The following TDRD3 variants were observed in gnomAD, a reference collection of about 807,000 sequenced individuals.
The protein encoded by TDRD3 is tudor domain containing 3.
TDRD3 carries 45 observed loss-of-function variants against 86.7 expected under a neutral mutation model. The observed-to-expected ratio is 0.52, with a 90% CI of 0.41 to 0.67. The LOEUF (loss-of-function observed/expected upper bound fraction) is 0.67. Among genes scored for constraint, TDRD3 ranks in the 30% least tolerant of loss-of-function variants. The pLI, the probability that TDRD3 is intolerant of heterozygous loss-of-function variation, is 0.00. For missense variants in TDRD3, 814 were observed against 889.0 expected (o/e 0.92, Z 1.07); for synonymous variants, 298 against 301.7 (o/e 0.99, Z 0.13).
chr13:60,490,158 G>A (rs1179199359), intron 7 of TDRD3, among the ~76,000 whole-genome samples: 2 of 148,948 alleles, frequency 1.3e-5, no homozygotes, highest in African/African-American at 5.0e-5. Flanking sequence ...ACTTGTGCAA[G>A]GTTATCCAGT....
chr13:60,486,641 T>A (rs1956443354), intron 7 of TDRD3, among the ~76,000 whole-genome samples: 2 of 152,182 alleles, frequency 1.3e-5, no homozygotes, highest in African/African-American at 4.8e-5. Context: ...CATCTAGCTA[T>A]TTTGAAATAT....
intron 13 of TDRD3, among the ~76,000 whole-genome samples, chr13:60,572,941 C>T (rs768013296): frequency 5.3e-5 from 8 of 152,112 alleles, no homozygotes; most frequent in Non-Finnish European, 1.2e-4. Context: ...GTACCCGACG[C>T]TCTGTATTTT....
At chr13:60,430,041 C>T (rs370134719) in intron 1 of TDRD3, among the ~76,000 whole-genome samples, 53 of 152,188 alleles carry the variant, frequency 3.5e-4, no homozygotes, top group African/African-American at 1.2e-3. Flanking sequence ...ATTTTCAGTA[C>T]GGTCTTTTTC....
intron 7 of TDRD3, among the ~76,000 whole-genome samples, 169 bp downstream of exon 7, chr13:60,486,117 A>G (rs1956430392): frequency 6.6e-6 from 1 of 152,142 alleles, no homozygotes; most frequent in South Asian, 2.1e-4. Flanking sequence ...ATGGGATCTT[A>G]CATATTTTAT....
chr13:60,562,536 A>G (rs1958359168), intron 12 of TDRD3, among the ~76,000 whole-genome samples: 1 of 152,188 alleles, frequency 6.6e-6, no homozygotes, highest in African/African-American at 2.4e-5. Flanking sequence ...ACACTTCCAT[A>G]CATACAAGCT....
At chr13:60,416,044 C>A (rs1360432107) in intron 1 of TDRD3, among the ~76,000 whole-genome samples, 2 of 152,090 alleles carry the variant, frequency 1.3e-5, no homozygotes, top group East Asian at 1.9e-4. Flanking sequence ...TTTTAAAATA[C>A]CCTTTGCTTA....
intron 1 of TDRD3, among the ~76,000 whole-genome samples, chr13:60,400,297 G>A (rs1271182837): frequency 1.3e-5 from 2 of 152,192 alleles, no homozygotes; most frequent in Admixed American, 1.3e-4. Context: ...ATCACTGTGA[G>A]TGGAAATATA....
At chr13:60,418,367 C>G (rs534515262) in intron 1 of TDRD3, among the ~76,000 whole-genome samples, 1 of 152,160 alleles carries the variant, frequency 6.6e-6, no homozygotes, top group East Asian at 1.9e-4. Flanking sequence ...TACCCTTCTT[C>G]TGAGGTCCTT....
chr13:60,496,834 G>A (rs1275687662), intron 8 of TDRD3, among the ~76,000 whole-genome samples: 2 of 152,102 alleles, frequency 1.3e-5, no homozygotes, highest in African/African-American at 4.8e-5. Context: ...CTTGTTCTTA[G>A]AGCTCCCAAG....
At chr13:60,467,605 T>G (rs1196485834) in intron 5 of TDRD3, among the ~76,000 whole-genome samples, 2 of 152,234 alleles carry the variant, frequency 1.3e-5, no homozygotes, top group Non-Finnish European at 2.9e-5. Flanking sequence ...AAACATTCTT[T>G]CCTGACAAGT....
At chr13:60,412,560 A>G (rs1954391901) in intron 1 of TDRD3, among the ~76,000 whole-genome samples, 1 of 152,168 alleles carries the variant, frequency 6.6e-6, no homozygotes, top group African/African-American at 2.4e-5. Context: ...AACTAGTATG[A>G]CACATCAAGA....
At chr13:60,408,049 C>T (rs1000628802) in intron 1 of TDRD3, among the ~76,000 whole-genome samples, 4 of 152,268 alleles carry the variant, frequency 2.6e-5, no homozygotes, top group Admixed American at 6.5e-5. Flanking sequence ...GTGCCTTTCA[C>T]GTCCCGCCAT....
intron 1 of TDRD3, among the ~76,000 whole-genome samples, chr13:60,428,365 A>G (rs1376144845): frequency 1.3e-5 from 2 of 151,992 alleles, no homozygotes; most frequent in East Asian, 1.9e-4. Flanking sequence ...CATTCAGGCT[A>G]CTATGAAGAG....
At chr13:60,553,640 A>C (rs1958118109) in intron 12 of TDRD3, among the ~76,000 whole-genome samples, 1 of 152,104 alleles carries the variant, frequency 6.6e-6, no homozygotes. Context: ...CAGAAAGCAA[A>C]GGAGAAGCTA....
At chr13:60,423,327 C>T (rs961236382) in intron 1 of TDRD3, among the ~76,000 whole-genome samples, 32 of 152,068 alleles carry the variant, frequency 2.1e-4, no homozygotes, top group Admixed American at 2.1e-3. Context: ...AGAAACATAC[C>T]AGTAACAGGA....
At chr13:60,418,802 T>C (rs1348471174) in intron 1 of TDRD3, among the ~76,000 whole-genome samples, 1 of 152,186 alleles carries the variant, frequency 6.6e-6, no homozygotes, top group Non-Finnish European at 1.5e-5. Context: ...TATCTTGTAA[T>C]TGGATATTAT....
intron 2 of TDRD3, among the ~76,000 whole-genome samples, chr13:60,440,886 G>C (rs921502238): frequency 5.9e-5 from 9 of 151,818 alleles, no homozygotes; most frequent in Admixed American, 3.3e-4. Flanking sequence ...ATGGGCACAA[G>C]GAACATTTAA....
rs1385748258 is a variant in TDRD3, at chr13:60,457,527, AGAGG to A, written c.193-2852_193-2849del. ...TGTTCCCTAGCTAGGCTAGATCTCAAGAGGAAGATGAGTGAGGCTGAGGCCAATA... is the reference window on the plus strand; with the variant it reads ...TGTTCCCTAGCTAGGCTAGATCTCAAAAGATGAGTGAGGCTGAGGCCAATA... On this transcript the variant is annotated intron_variant, in intron 3 of 13. Transcript: ENST00000377881. Among the ~76,000 whole-genome samples, 512 of 152,312 alleles carry A rather than the reference AGAGG, an allele frequency of 3.4e-3. 3 individuals are homozygous for A. Among genetic ancestry groups the A allele is most frequent in the African/African-American group, 0.012 (488 of 41,572 alleles).
At chr13:60,572,354 T>C (rs1271780306) in intron 13 of TDRD3, among the ~76,000 whole-genome samples, 1 of 152,232 alleles carries the variant, frequency 6.6e-6, no homozygotes, top group Non-Finnish European at 1.5e-5. Context: ...TTGTGTTTGA[T>C]GCTGTCATGA....
Sources: gnomAD v4.1 joint callset for allele counts (sites outside exome capture counted in the v4.1 genomes callset) on GRCh38, gnomAD v4.1.1 for gene constraint, MANE v1.5 for transcripts, NCBI Gene and HGNC (gene_info 2026-07-23, HGNC 2026-07-21) for gene names.